Variants in RARB observed in about 807,000 individuals in gnomAD.
The protein encoded by RARB is retinoic acid receptor beta.
RARB carries 17 observed loss-of-function variants against 51.9 expected under a neutral mutation model. The ratio of observed to expected loss-of-function variants is 0.33; its 90% confidence interval spans 0.22 to 0.49. RARB has a LOEUF of 0.49. RARB is among the 20% of genes least tolerant of loss of function. RARB has a pLI of 0.99. For missense variants in RARB, 369 were observed against 550.8 expected (o/e 0.67, Z 3.30); for synonymous variants, 215 against 195.4 (o/e 1.10, Z -0.84).
intron 1 of RARB, among the ~76,000 whole-genome samples, chr3:24,840,673 G>A (rs1275758320): frequency 2.0e-5 from 3 of 149,500 alleles, no homozygotes; most frequent in Non-Finnish European, 4.4e-5. Flanking sequence ...TATAGCATTG[G>A]AATGTAAATG....
intron 2 of RARB, among the ~76,000 whole-genome samples, chr3:25,500,454 G>GTTTTTTTTGTTT (rs1697244428): frequency 1.5e-5 from 1 of 66,144 alleles, no homozygotes; most frequent in African/African-American, 5.7e-5. Context: ...TTCTTTTCTT[G>GTTTTTTTTGTTT]TTTTTTTTTT....
intron 2 of RARB, among the ~76,000 whole-genome samples, chr3:24,963,365 C>T (rs1375506730): frequency 6.7e-6 from 1 of 150,176 alleles, no homozygotes; most frequent in Non-Finnish European, 1.5e-5. Flanking sequence ...CTATTTTTGT[C>T]CTTGGTCAGC....
intron 4 of RARB, among the ~76,000 whole-genome samples, chr3:25,156,619 A>T (rs1700379369): frequency 6.8e-6 from 1 of 146,920 alleles, no homozygotes; most frequent in African/African-American, 2.5e-5. Flanking sequence ...CAAAACAGTT[A>T]TTTTAAAAAT....
rs577258854 is a variant in RARB, at chr3:25,216,308, C to T, written c.178+41733C>T. ...ATACTTTTATCAGCCAAATGTATATCCATAAACACTAAATGTTGCCTGCTT... is the reference window on the plus strand; with the variant it reads ...ATACTTTTATCAGCCAAATGTATATTCATAAACACTAAATGTTGCCTGCTT... On this transcript the variant is annotated intron_variant, in intron 5 of 11. Coordinates refer to the RARB transcript ENST00000383772. Among the ~76,000 whole-genome samples the T allele has an allele frequency of 2.0e-5, 3 of 152,142 alleles. No individual in the cohort carries two copies. The East Asian group carries it at 5.8e-4, about 29-fold the overall frequency.
intron 5 of RARB, among the ~76,000 whole-genome samples, chr3:25,295,533 A>C (rs762785802): frequency 1.3e-5 from 2 of 152,204 alleles, no homozygotes; most frequent in Non-Finnish European, 2.9e-5. Flanking sequence ...TTGTTATAGC[A>C]ACCTGGACAA....
intron 1 of RARB, among the ~76,000 whole-genome samples, chr3:25,440,445 T>C (rs542205228): frequency 7.0e-6 from 1 of 142,546 alleles, no homozygotes; most frequent in East Asian, 2.0e-4. Flanking sequence ...AGATCCTGTC[T>C]AAAAAATAAA....
At chr3:24,946,204 C>G (rs1024086581) in intron 2 of RARB, among the ~76,000 whole-genome samples, 7 of 146,562 alleles carry the variant, frequency 4.8e-5, no homozygotes, top group Non-Finnish European at 1.0e-4. Flanking sequence ...GCAGAGCTTG[C>G]AGTGAGCCGA....
At chr3:25,060,966 G>T (rs1575141509) in intron 3 of RARB, among the ~76,000 whole-genome samples, 1 of 151,938 alleles carries the variant, frequency 6.6e-6, no homozygotes. Flanking sequence ...GGAAGAAGTG[G>T]CCAAATTTAC....
intron 3 of RARB, among the ~76,000 whole-genome samples, chr3:25,540,896 G>GTCTGATTTAT (rs5847363): frequency 1.3e-5 from 2 of 151,582 alleles, no homozygotes; most frequent in African/African-American, 4.9e-5. Flanking sequence ...CTTAATGGCT[G>GTCTGATTTAT]TCATGACCCA....
chr3:25,450,456 A>G (rs1709142443), intron 1 of RARB, among the ~76,000 whole-genome samples: 1 of 152,136 alleles, frequency 6.6e-6, no homozygotes, highest in South Asian at 2.1e-4. Context: ...CAGAATTAGG[A>G]ACTGAGCTCA....
At chr3:24,970,192 C>T (rs1327063386) in intron 2 of RARB, among the ~76,000 whole-genome samples, 1 of 152,036 alleles carries the variant, frequency 6.6e-6, no homozygotes, top group Non-Finnish European at 1.5e-5. Context: ...CAGATTTGGC[C>T]TATGGCTGTA....
At chr3:25,210,536 T>C (rs1482433041) in intron 5 of RARB, among the ~76,000 whole-genome samples, 8 of 105,522 alleles carry the variant, frequency 7.6e-5, no homozygotes, top group African/African-American at 2.8e-4. Flanking sequence ...ATTCTTTTTT[T>C]TTTTTTTTTT....
intron 5 of RARB, among the ~76,000 whole-genome samples, chr3:25,194,312 T>C (rs1701177839): frequency 6.6e-6 from 1 of 151,774 alleles, no homozygotes; most frequent in South Asian, 2.1e-4. Context: ...AGAACTAATG[T>C]ACTGCAGGAG....
At position 25,038,834 on chromosome 3, in the gene RARB, G is replaced by A. The variant is rs114439317; in HGVS notation, c.-379-21291G>A. 5.8e-3 allele frequency among the ~76,000 whole-genome samples: 879 copies of A among 152,242 alleles called. 9 individuals are homozygous for A. The highest frequency in any genetic ancestry group is 0.02 in the African/African-American group (831 of 41,526). On this transcript the variant is annotated intron_variant, in intron 2 of 11. Transcript: ENST00000383772. Reference sequence around the variant, plus strand: ...CTGGAGCCTTATTGCCAACCTCTGGGTATGATTTGAAAAGACAAGGAGGCA... The same window carrying A: ...CTGGAGCCTTATTGCCAACCTCTGGATATGATTTGAAAAGACAAGGAGGCA...
chr3:25,539,532 C>CTTTTTT (rs56693487), intron 3 of RARB, among the ~76,000 whole-genome samples: 1 of 102,424 alleles, frequency 9.8e-6, no homozygotes, highest in African/African-American at 4.3e-5. Context: ...CTCTCTCTCT[C>CTTTTTT]TTTTTTTTTT....
intron 3 of RARB, among the ~76,000 whole-genome samples, chr3:25,110,637 G>A (rs1252800680): frequency 1.3e-5 from 2 of 152,234 alleles, no homozygotes; most frequent in African/African-American, 2.4e-5. Flanking sequence ...GCTAGCCTCC[G>A]AAGGCTGTAA....
chr3:25,135,514 A>G (rs945847423), intron 4 of RARB, among the ~76,000 whole-genome samples: 28 of 151,986 alleles, frequency 1.8e-4, no homozygotes, highest in Admixed American at 7.9e-4. Flanking sequence ...GCTACAAAAT[A>G]TTATGTTGCA....
intron 2 of RARB, among the ~76,000 whole-genome samples, chr3:24,927,402 T>C (rs931667913): frequency 1.3e-5 from 2 of 152,268 alleles, no homozygotes; most frequent in Admixed American, 6.5e-5. Context: ...TTGTATTTTG[T>C]AAGGCAATCC....
chr3:25,158,819 A>G (rs1460210066), intron 4 of RARB, among the ~76,000 whole-genome samples: 1 of 152,162 alleles, frequency 6.6e-6, no homozygotes. Flanking sequence ...CAGAGACCCA[A>G]ACTGCTTCCC....
Sources: allele counts gnomAD v4.1 joint callset (sites outside exome capture counted in the v4.1 genomes callset), GRCh38; gene constraint gnomAD v4.1.1; transcripts MANE v1.5; gene names NCBI Gene and HGNC (gene_info 2026-07-23, HGNC 2026-07-21).